SQOR: variants seen among roughly 807,000 people sequenced by gnomAD.
The protein encoded by SQOR is sulfide:quinone oxidoreductase, mitochondrial.
A neutral mutation model predicts 48.6 loss-of-function variants in SQOR; 39 were observed. The observed-to-expected ratio is 0.80, with a 90% CI of 0.62 to 1.05. The LOEUF (loss-of-function observed/expected upper bound fraction) is 1.05. Ranked by LOEUF, SQOR falls within the 50% of genes least tolerant of loss-of-function variation. The probability of loss-of-function intolerance (pLI) is 0.00; values close to 1 mark genes in which losing one functional copy is unlikely to be tolerated. For missense variants in SQOR, 561 were observed against 559.9 expected (o/e 1.00, Z -0.02); for synonymous variants, 220 against 206.2 (o/e 1.07, Z -0.57).
intron 1 of SQOR, among the ~76,000 whole-genome samples, chr15:45,658,017 C>T (rs572200786): frequency 6.6e-6 from 1 of 152,164 alleles, no homozygotes; most frequent in African/African-American, 2.4e-5. Context: ...AAAGGTCAGT[C>T]TTTGAGAAGC....
intron 1 of SQOR, among the ~76,000 whole-genome samples, chr15:45,640,107 G>C (rs1895077993): frequency 6.6e-6 from 1 of 152,202 alleles, no homozygotes; most frequent in Non-Finnish European, 1.5e-5. Flanking sequence ...GGGACTTGCG[G>C]GGAGAGATTG....
chr15:45,656,377 G>A (rs368453568), intron 1 of SQOR, among the ~76,000 whole-genome samples: 3 of 152,242 alleles, frequency 2.0e-5, no homozygotes, highest in East Asian at 3.9e-4. Context: ...ACAGATCACT[G>A]TGGCCTTCAC....
chr15:45,661,298 A>G (rs1889715441), intron 2 of SQOR, among the ~76,000 whole-genome samples: 1 of 147,410 alleles, frequency 6.8e-6, no homozygotes, highest in South Asian at 2.1e-4. Context: ...CTTAAAAAAA[A>G]AAAAAAAAAA....
intron 6 of SQOR, among the ~76,000 whole-genome samples, chr15:45,678,716 G>T (rs1779128941): frequency 6.6e-6 from 1 of 152,046 alleles, no homozygotes; most frequent in South Asian, 2.1e-4. Flanking sequence ...TTTATAAAAG[G>T]GTCTCAAATT....
intron 1 of SQOR, among the ~76,000 whole-genome samples, chr15:45,646,393 T>C (rs1055324136): frequency 1.3e-5 from 2 of 152,218 alleles, no homozygotes; most frequent in African/African-American, 4.8e-5. Flanking sequence ...CTGCTGCTGA[T>C]GCATTGTGTG....
intron 6 of SQOR, among the ~76,000 whole-genome samples, chr15:45,677,252 T>C (rs1890054470): frequency 6.6e-6 from 1 of 152,116 alleles, no homozygotes; most frequent in South Asian, 2.1e-4. Context: ...TCTATCTATC[T>C]ATCCATCCAT....
chr15:45,678,406 T>G (rs998054990), intron 6 of SQOR, among the ~76,000 whole-genome samples: 7 of 152,212 alleles, frequency 4.6e-5, no homozygotes, highest in Admixed American at 2.0e-4. Flanking sequence ...TAATTAACTA[T>G]TGGTATGAAC....
At position 45,691,002 on chromosome 15, in the gene SQOR, G is replaced by T. The variant is rs138050047; in HGVS notation, c.1325G>T (p.Arg442Leu). The T allele has an allele frequency of 6.2e-7, 1 of 1,614,132 alleles. No individual in the cohort carries two copies. The highest frequency in any genetic ancestry group is 8.5e-7 in the Non-Finnish European group (1 of 1,180,024). Residue 442 changes from arginine (R) to leucine (L), a missense_variant, in exon 10 of 10, where the codon CGC becomes CTC. Arg to Leu is a moderately radical substitution (Grantham distance 102). Coordinates refer to ENST00000260324, the MANE Select transcript of SQOR (RefSeq NM_021199.4). ...TACTGGGGAGGACCAGCGTTTCTGC[G>T]CAAGTTGTTTCATCTAGGTATGAGT... Reference protein sequence around the residue: ...RGYWGGPAFLRKLFHLGMS With the variant: ...RGYWGGPAFLLKLFHLGMS
chr15:45,650,242 C>T (rs1889450058), intron 1 of SQOR, among the ~76,000 whole-genome samples: 1 of 152,192 alleles, frequency 6.6e-6, no homozygotes, highest in Non-Finnish European at 1.5e-5. Flanking sequence ...TGGGCTGAAA[C>T]CGTCCTCCTA....
chr15:45,631,248 T>A (rs1271949299), upstream of SQOR: 1 of 155,810 alleles, frequency 6.4e-6, no homozygotes, highest in Non-Finnish European at 1.4e-5. Flanking sequence ...CAATTAAACT[T>A]CTTTTTCTTC....
chr15:45,640,131 C>A (rs966738888), intron 1 of SQOR, among the ~76,000 whole-genome samples: 2 of 152,196 alleles, frequency 1.3e-5, no homozygotes, highest in African/African-American at 4.8e-5. Flanking sequence ...GGAATGGTTT[C>A]CATTCTAATT....
intron 6 of SQOR, among the ~76,000 whole-genome samples, chr15:45,680,110 C>T (rs898163712): frequency 6.6e-6 from 1 of 151,846 alleles, no homozygotes; most frequent in Non-Finnish European, 1.5e-5. Flanking sequence ...TTTTTGTAGA[C>T]AGGGTCTCAC....
chr15:45,653,723 G>T (rs990296597), intron 1 of SQOR, among the ~76,000 whole-genome samples: 1 of 152,102 alleles, frequency 6.6e-6, no homozygotes, highest in African/African-American at 2.4e-5. Context: ...TAAACTCAGG[G>T]ACTCATTATG....
chr15:45,662,153 G>A (rs1167204122), intron 3 of SQOR, 28 bp downstream of exon 3: 48 of 1,608,062 alleles, frequency 3.0e-5, no homozygotes, highest in Non-Finnish European at 3.9e-5. Flanking sequence ...TAGATTTTTT[G>A]TTAATCTGAC....
intron 1 of SQOR, among the ~76,000 whole-genome samples, chr15:45,652,365 C>A (rs1364077842): frequency 6.6e-6 from 1 of 152,040 alleles, no homozygotes; most frequent in Admixed American, 6.6e-5. Flanking sequence ...GACAGAGTCC[C>A]ACTCTGTTGC....
chr15:45,678,050 C>T (rs1890067775), intron 6 of SQOR, among the ~76,000 whole-genome samples: 1 of 152,074 alleles, frequency 6.6e-6, no homozygotes, highest in Non-Finnish European at 1.5e-5. Flanking sequence ...AAGCATTGTG[C>T]CATTCTAAGG....
upstream of SQOR, among the ~76,000 whole-genome samples, chr15:45,634,276 GTTTA>G (rs1303050552): frequency 7.2e-6 from 1 of 139,140 alleles, no homozygotes; most frequent in East Asian, 2.2e-4. Flanking sequence ...ACTTTCAAGG[GTTTA>G]TTTTTGTTTG....
chr15:45,661,290 T>TAAAAAAA (rs34286267), intron 2 of SQOR, among the ~76,000 whole-genome samples: 7 of 67,506 alleles, frequency 1.0e-4, no homozygotes, highest in Admixed American at 5.7e-4. Flanking sequence ...GACTCTGTCT[T>TAAAAAAA]AAAAAAAAAA....
intron 4 of SQOR, among the ~76,000 whole-genome samples, chr15:45,672,074 G>A (rs939188640): frequency 6.6e-6 from 1 of 152,194 alleles, no homozygotes; most frequent in Non-Finnish European, 1.5e-5. Flanking sequence ...ATCAACGACA[G>A]CTTCTTAAAA....
Sources: allele counts gnomAD v4.1 joint callset (sites outside exome capture counted in the v4.1 genomes callset), GRCh38; gene constraint gnomAD v4.1.1; transcripts MANE v1.5; gene names NCBI Gene and HGNC (gene_info 2026-07-23, HGNC 2026-07-21).